Variants in ANKHD1 observed in about 807,000 individuals in gnomAD.
ANKHD1 encodes ankyrin repeat and KH domain-containing protein 1.
A neutral mutation model predicts 230.5 loss-of-function variants in ANKHD1; 31 were observed. The observed-to-expected ratio is 0.13, with a 90% CI of 0.10 to 0.18. The LOEUF (loss-of-function observed/expected upper bound fraction) is 0.18. Ranked by LOEUF, ANKHD1 falls within the 10% of genes least tolerant of loss-of-function variation. The probability of loss-of-function intolerance (pLI) is 1.00; values close to 1 mark genes in which losing one functional copy is unlikely to be tolerated. For synonymous variants in ANKHD1, 1,074 were observed against 1,117.6 expected (o/e 0.96, Z 0.78); for missense variants, 2,256 against 3,071.3 (o/e 0.73, Z 6.27).
In ANKHD1 at chr5:140,496,858, G is replaced by A; in HGVS notation, c.2584G>A (p.Gly862Ser). ...QFTKEYLETK[G>S]QKDTVSLHQQ... ...TACCAAAGAATACTTGGAAACCAAA[G>A]GTCAGAAAGACACAGTGTCTCTACA... Residue 862 changes from glycine to serine, a missense_variant, in exon 15 of 34, where the codon GGT (glycine) becomes AGT (serine). Physicochemically the swap from Gly to Ser is moderately conservative, Grantham distance 56 (BLOSUM62 0). This residue lies in a region of ANKHD1 where 358 missense variants were observed against 397.7 expected (regional missense o/e 0.90). Coordinates refer to ENST00000360839, the MANE Select transcript of ANKHD1 (RefSeq NM_017747.3). 6.2e-7 allele frequency: 1 copy of A among 1,614,132 alleles called. No individual in the cohort carries two copies. The highest frequency in any genetic ancestry group is 8.5e-7 in the Non-Finnish European group (1 of 1,180,028).
At chr5:140,487,125 G>A (rs1751543778) in intron 14 of ANKHD1, 65 bp downstream of exon 14, 15 of 1,487,014 alleles carry the variant, frequency 1.0e-5, no homozygotes, top group Admixed American at 2.0e-5. Context: ...ATCCAGAAAT[G>A]TACTTTAATG....
intron 24 of ANKHD1, among the ~76,000 whole-genome samples, chr5:140,518,305 C>A (rs1753143350): frequency 1.3e-5 from 2 of 152,002 alleles, no homozygotes; most frequent in South Asian, 4.2e-4. Context: ...AATAGCTTAC[C>A]AACCAAAAAG....
intron 7 of ANKHD1, 77 bp downstream of exon 7, chr5:140,449,382 A>C: frequency 6.6e-7 from 1 of 1,506,630 alleles, no homozygotes; most frequent in Non-Finnish European, 9.0e-7. Flanking sequence ...AGAGTGATTA[A>C]TTGCCAGTGC....
At chr5:140,431,985 A>ACAGT (rs2126900364) in intron 1 of ANKHD1, among the ~76,000 whole-genome samples, 1 of 152,264 alleles carries the variant, frequency 6.6e-6, no homozygotes, top group African/African-American at 2.4e-5. Context: ...CAGGCAATGA[A>ACAGT]CAGTCTGTCA....
At chr5:140,491,137 C>T (rs4913083) in intron 14 of ANKHD1, among the ~76,000 whole-genome samples, 54 of 58,252 alleles carry the variant, frequency 9.3e-4, no homozygotes, top group African/African-American at 2.6e-3. Flanking sequence ...TATATATATA[C>T]ACATATATAT....
At chr5:140,503,335 T>C (rs1365389494) in intron 15 of ANKHD1, among the ~76,000 whole-genome samples, 1 of 152,038 alleles carries the variant, frequency 6.6e-6, no homozygotes, top group Non-Finnish European at 1.5e-5. Flanking sequence ...ATAATAGTAT[T>C]GACAATCCTA....
intron 10 of ANKHD1, among the ~76,000 whole-genome samples, chr5:140,473,124 G>A (rs1297704338): frequency 6.6e-6 from 1 of 151,270 alleles, no homozygotes; most frequent in Non-Finnish European, 1.5e-5. Flanking sequence ...TGCCTCCTGG[G>A]TTCAAGCGAT....
Position 140,506,827 on chromosome 5 carries a change from C to T in ANKHD1, c.3409-8C>T. On this transcript the variant is annotated splice_polypyrimidine_tract_variant and splice_region_variant and intron_variant, in intron 18 of 33. Coordinates refer to ENST00000360839, the MANE Select transcript of ANKHD1 (RefSeq NM_017747.3). The surrounding 1 kb of genome is among the most constrained non-coding windows in gnomAD (Gnocchi z 4.7). Reference sequence around the variant, plus strand: ...AACTCTCTTCTCTATCCATATTTTACTTTGTAGGTGGTAGACTTGCTGCTG... The same window carrying T: ...AACTCTCTTCTCTATCCATATTTTATTTTGTAGGTGGTAGACTTGCTGCTG... The T allele has an allele frequency of 6.2e-7, 1 of 1,613,778 alleles. No individual in the cohort carries two copies. The highest frequency in any genetic ancestry group is 8.5e-7 in the Non-Finnish European group (1 of 1,179,894).
intron 1 of ANKHD1, among the ~76,000 whole-genome samples, chr5:140,406,873 G>A (rs1347242474): frequency 1.3e-5 from 2 of 152,080 alleles, no homozygotes; most frequent in Admixed American, 6.6e-5. Flanking sequence ...TACCTGCTTC[G>A]TATTTCTTCA....
chr5:140,436,733 G>A (rs970413046), intron 2 of ANKHD1, among the ~76,000 whole-genome samples: 5 of 148,162 alleles, frequency 3.4e-5, no homozygotes, highest in African/African-American at 1.0e-4. Context: ...GCAACAGAGC[G>A]AGACTCCGTC....
At chr5:140,538,399 G>A in intron 32 of ANKHD1, 138 bp downstream of exon 32, 1 of 1,398,622 alleles carries the variant, frequency 7.1e-7, no homozygotes, top group Non-Finnish European at 9.6e-7. Flanking sequence ...TTTCAGGAGT[G>A]CACAGAGTTG....
chr5:140,432,845 A>G (rs1038378896), intron 1 of ANKHD1, among the ~76,000 whole-genome samples: 15 of 152,204 alleles, frequency 9.9e-5, no homozygotes, highest in African/African-American at 3.6e-4. Flanking sequence ...CTGGGACTAC[A>G]GTTTTATGCC....
chr5:140,493,855 A>G (rs539419562), intron 14 of ANKHD1, among the ~76,000 whole-genome samples: 1 of 152,278 alleles, frequency 6.6e-6, no homozygotes, highest in East Asian at 1.9e-4. Flanking sequence ...GGCCATTCCT[A>G]TCTGTTACTG....
intron 32 of ANKHD1, among the ~76,000 whole-genome samples, 170 bp from the exon 33 acceptor site, chr5:140,538,749 A>G (rs568328518): frequency 6.6e-6 from 1 of 152,366 alleles, no homozygotes; most frequent in African/African-American, 2.4e-5. Flanking sequence ...AGCTTTGCAG[A>G]TGCAGATAAA....
intron 14 of ANKHD1, among the ~76,000 whole-genome samples, chr5:140,492,878 A>C (rs1418906430): frequency 1.3e-5 from 2 of 152,206 alleles, no homozygotes; most frequent in Admixed American, 6.5e-5. Flanking sequence ...TAAAAAACTA[A>C]ATATTTGGCA....
intron 7 of ANKHD1, among the ~76,000 whole-genome samples, chr5:140,451,464 A>T (rs1774727333): frequency 6.6e-6 from 1 of 152,216 alleles, no homozygotes; most frequent in Non-Finnish European, 1.5e-5. Flanking sequence ...GTTAAGTATA[A>T]TAAAAGTCTT....
intron 9 of ANKHD1, 95 bp downstream of exon 9, chr5:140,459,450 T>G: frequency 7.2e-7 from 1 of 1,386,202 alleles, no homozygotes; most frequent in Non-Finnish European, 9.5e-7. Flanking sequence ...TAGTAGATAA[T>G]AGAATGGTGG....
intron 24 of ANKHD1, among the ~76,000 whole-genome samples, chr5:140,522,404 A>C (rs1453536829): frequency 6.6e-6 from 1 of 152,186 alleles, no homozygotes; most frequent in Admixed American, 6.6e-5. Context: ...ACTTCTTGGC[A>C]ATTATAAACA....
chr5:140,539,075 G>A lies in ANKHD1; in HGVS notation c.7561G>A (p.Ala2521Thr). The change falls in exon 33 of 34, where the codon GCC becomes ACC. Residue 2521 changes from alanine (A) to threonine (T), a missense_variant. By Grantham distance (58) the Ala-to-Thr change is moderately conservative. Around this residue, in one of 13 missense-constraint regions of ANKHD1, gnomAD observed 778 missense variants for 966.5 expected, o/e 0.80. Transcript: ENST00000360839. ...VIQNSTECTD[A>T]QQIWPGTWAP... is the part of the protein sequence containing the mutation. Reference sequence around the variant, plus strand: ...CCAAAATTCAACTGAATGCACTGATGCCCAGCAGGTAAAATGGGCTTAATG... The same window carrying A: ...CCAAAATTCAACTGAATGCACTGATACCCAGCAGGTAAAATGGGCTTAATG... 1 of 1,600,464 alleles carries A rather than the reference G, an allele frequency of 6.2e-7. No homozygotes were observed. The highest frequency in any genetic ancestry group is 8.5e-7 in the Non-Finnish European group (1 of 1,175,396).
Sources: gnomAD v4.1 joint callset for allele counts (sites outside exome capture counted in the v4.1 genomes callset) on GRCh38, gnomAD v4.1.1 for gene constraint, gnomAD v4.1.1 regional missense constraint, Gnocchi (gnomAD v3.1) non-coding constraint, MANE v1.5 for transcripts, NCBI Gene and HGNC (gene_info 2026-07-23, HGNC 2026-07-21) for gene names.